NRXN3: variants seen among roughly 807,000 people sequenced by gnomAD.
NRXN3 encodes neurexin 3, also known as neurexin III.
NRXN3 carries 32 observed loss-of-function variants against 137.6 expected under a neutral mutation model. The ratio of observed to expected loss-of-function variants is 0.23; its 90% CI spans 0.18 to 0.31. The LOEUF is 0.31. Among genes scored for constraint, NRXN3 ranks in the 10% least tolerant of loss-of-function variants. NRXN3 has a pLI of 1.00. For synonymous variants in NRXN3, 798 were observed against 784.5 expected (o/e 1.02, Z -0.29); for missense variants, 1,574 against 2,062.5 (o/e 0.76, Z 4.59).
intron 8 of NRXN3, among the ~76,000 whole-genome samples, chr14:78,756,736 A>G (rs1279218485): frequency 6.6e-6 from 1 of 152,160 alleles, no homozygotes; most frequent in African/African-American, 2.4e-5. Context: ...AATTTGCACA[A>G]TTAACAGCTA....
intron 15 of NRXN3, among the ~76,000 whole-genome samples, chr14:79,072,725 T>C (rs1352758930): frequency 6.6e-6 from 1 of 152,168 alleles, no homozygotes; most frequent in Non-Finnish European, 1.5e-5. Flanking sequence ...TTTTAAAAAC[T>C]GTAAAATGCT....
intron 6 of NRXN3, among the ~76,000 whole-genome samples, chr14:78,662,894 G>A (rs1451350127): frequency 1.3e-5 from 2 of 152,102 alleles, no homozygotes; most frequent in Admixed American, 6.5e-5. Context: ...CTCGAAAACC[G>A]TTACAACCAC....
intron 6 of NRXN3, among the ~76,000 whole-genome samples, chr14:78,659,146 A>G (rs188650788): frequency 4.6e-5 from 7 of 152,268 alleles, no homozygotes; most frequent in Non-Finnish European, 1.0e-4. Context: ...AGAAGGAGTG[A>G]TAAGGACATG....
At position 79,862,119 on chromosome 14, in the gene NRXN3, G is replaced by GAC. The variant is rs138708831; in HGVS notation, c.*169_*170dup. 85 of 628,950 alleles carry GAC rather than the reference G, an allele frequency of 1.4e-4. No individual in the cohort carries two copies. The highest frequency in any genetic ancestry group is 5.9e-4 in the Admixed American group (20 of 33,892). 39.0% of individuals were successfully genotyped at this position (628,950 alleles called of 1,614,324 possible). A position where few individuals can be genotyped will look rare whatever the true frequency, so the allele number is the denominator to read the frequency against. On this transcript the variant is annotated 3_prime_UTR_variant, in exon 21 of 21. Coordinates refer to ENST00000335750, the MANE Select transcript of NRXN3 (RefSeq NM_001330195.2). ...TGGTGGGGAAAACCGTTTTTTAAAG[G>GAC]ACACACACACACACAGCGATGCATC...
At chr14:78,700,382 G>A (rs1480909878) in intron 6 of NRXN3, among the ~76,000 whole-genome samples, 2 of 152,182 alleles carry the variant, frequency 1.3e-5, no homozygotes, top group African/African-American at 2.4e-5. Context: ...GCTTCATCTG[G>A]GTTGAGTGGA....
chr14:79,586,897 CATT>C (rs2153816986), intron 16 of NRXN3, among the ~76,000 whole-genome samples: 1 of 152,282 alleles, frequency 6.6e-6, no homozygotes, highest in African/African-American at 2.4e-5. Context: ...TAGTTCTTCA[CATT>C]ATTAGCCTAA....
chr14:79,488,536 A>G (rs746521390), intron 16 of NRXN3, among the ~76,000 whole-genome samples: 1 of 152,196 alleles, frequency 6.6e-6, no homozygotes, highest in East Asian at 1.9e-4. Context: ...AAATTAACCA[A>G]GCTGGGGCAG....
At position 79,279,071 on chromosome 14, in the gene NRXN3, GA is replaced by G. The variant is rs567630398; in HGVS notation, c.3263-188148del. ...GGAGTTTGGTTTCACGCGCCTGGGA[GA>G]AGAGCAGGGCACGGGTGATAAAGAA... On this transcript the variant is annotated intron_variant, in intron 15 of 20. Coordinates refer to ENST00000335750, the MANE Select transcript of NRXN3 (RefSeq NM_001330195.2). Among the ~76,000 whole-genome samples, 1,010 of 152,346 alleles carry G rather than the reference GA, an allele frequency of 6.6e-3. 11 individuals are homozygous for G. Among genetic ancestry groups the G allele is most frequent in the African/African-American group, 0.023 (953 of 41,590 alleles).
intron 2 of NRXN3, among the ~76,000 whole-genome samples, chr14:78,257,955 G>T (rs1208385266): frequency 6.6e-6 from 1 of 152,152 alleles, no homozygotes; most frequent in Non-Finnish European, 1.5e-5. Context: ...TGGAAGAAGG[G>T]CTGATTGCAG....
At chr14:79,086,100 A>G (rs2048038398) in intron 15 of NRXN3, among the ~76,000 whole-genome samples, 1 of 152,144 alleles carries the variant, frequency 6.6e-6, no homozygotes, top group Non-Finnish European at 1.5e-5. Flanking sequence ...CTAATACTAT[A>G]AACACTTGGT....
intron 19 of NRXN3, among the ~76,000 whole-genome samples, chr14:79,789,514 C>A (rs1470792567): frequency 1.3e-5 from 2 of 152,014 alleles, no homozygotes; most frequent in African/African-American, 4.8e-5. Flanking sequence ...ACAGAGCATC[C>A]CCAAGGGCTG....
intron 4 of NRXN3, among the ~76,000 whole-genome samples, chr14:78,306,946 C>T (rs8006086): frequency 0.5 from 75,595 of 151,846 alleles, 19,063 homozygotes; most frequent in African/African-American, 0.58. Flanking sequence ...AAGTAAAAAG[C>T]CTTAAATGCA....
At chr14:79,297,408 A>T (rs565741871) in intron 15 of NRXN3, among the ~76,000 whole-genome samples, 6 of 152,252 alleles carry the variant, frequency 3.9e-5, no homozygotes, top group African/African-American at 1.4e-4. Context: ...TAATTTAAAA[A>T]TTTTGTTGTT....
chr14:78,573,064 G>T (rs2096904675), intron 4 of NRXN3, among the ~76,000 whole-genome samples: 2 of 152,162 alleles, frequency 1.3e-5, no homozygotes, highest in South Asian at 2.1e-4. Flanking sequence ...GTATAAGGGG[G>T]TATAAGAGGC....
At chr14:79,241,154 G>A (rs1297411188) in intron 15 of NRXN3, among the ~76,000 whole-genome samples, 1 of 152,110 alleles carries the variant, frequency 6.6e-6, no homozygotes, top group Non-Finnish European at 1.5e-5. Context: ...CACATGGTCA[G>A]GTTTAGAGGG....
chr14:78,973,698 G>A (rs1424083055), intron 14 of NRXN3, among the ~76,000 whole-genome samples: 1 of 152,022 alleles, frequency 6.6e-6, no homozygotes, highest in Non-Finnish European at 1.5e-5. Flanking sequence ...GTCAGTAATG[G>A]CCCACTGATC....
intron 19 of NRXN3, among the ~76,000 whole-genome samples, chr14:79,766,110 C>T (rs906309341): frequency 6.6e-6 from 1 of 152,126 alleles, no homozygotes; most frequent in Non-Finnish European, 1.5e-5. Flanking sequence ...AATACTTGAT[C>T]TGTTTCTATT....
chr14:78,715,559 T>C (rs1293585970), intron 8 of NRXN3, among the ~76,000 whole-genome samples: 1 of 152,206 alleles, frequency 6.6e-6, no homozygotes, highest in African/African-American at 2.4e-5. Context: ...ATCGCTGTTT[T>C]TATGGAGCTT....
intron 4 of NRXN3, among the ~76,000 whole-genome samples, chr14:78,326,547 G>A (rs1210396585): frequency 6.6e-6 from 1 of 152,108 alleles, no homozygotes; most frequent in Non-Finnish European, 1.5e-5. Context: ...TGTAGAGGAA[G>A]TAATTGAAGG....
Sources: gnomAD v4.1 joint callset for allele counts (sites outside exome capture counted in the v4.1 genomes callset) on GRCh38, gnomAD v4.1.1 for gene constraint, MANE v1.5 for transcripts, NCBI Gene and HGNC (gene_info 2026-07-23, HGNC 2026-07-21) for gene names.